NTRK2: variants seen among roughly 807,000 people sequenced by gnomAD.
NTRK2 encodes BDNF/NT-3 growth factors receptor.
In NTRK2, 13 loss-of-function variants were observed where a neutral mutation model predicts 94.5. The ratio of observed to expected loss-of-function variants is 0.14; its 90% CI spans 0.09 to 0.22. The LOEUF is 0.22. Ranked by LOEUF, NTRK2 falls within the 10% of genes least tolerant of loss-of-function variation. The pLI is 1.00. For missense variants in NTRK2, 639 were observed against 1,071.2 expected (o/e 0.60, Z 5.63); for synonymous variants, 372 against 407.4 (o/e 0.91, Z 1.05).
At chr9:84,944,044 T>G (rs1471269074) in intron 15 of NTRK2, among the ~76,000 whole-genome samples, 1 of 152,170 alleles carries the variant, frequency 6.6e-6, no homozygotes, top group Non-Finnish European at 1.5e-5. Flanking sequence ...TAGTGGAATC[T>G]CTTCTCTCAA....
At chr9:84,720,031 A>G (rs1293694795) in intron 6 of NTRK2, among the ~76,000 whole-genome samples, 1 of 151,730 alleles carries the variant, frequency 6.6e-6, no homozygotes, top group Non-Finnish European at 1.5e-5. Context: ...AAAAAAAAAA[A>G]AAAAAAAAGG....
intron 2 of NTRK2, among the ~76,000 whole-genome samples, chr9:84,679,536 A>G (rs1446334613): frequency 6.6e-6 from 1 of 152,086 alleles, no homozygotes; most frequent in Non-Finnish European, 1.5e-5. Flanking sequence ...AGGATTTTGG[A>G]TACCCACTCT....
At chr9:84,761,266 C>T (rs1462721310) in intron 12 of NTRK2, among the ~76,000 whole-genome samples, 4 of 151,912 alleles carry the variant, frequency 2.6e-5, no homozygotes, top group Admixed American at 6.6e-5. Flanking sequence ...CTGTCTTCAG[C>T]GACAGTGTAA....
At position 84,946,477 on chromosome 9, in the gene NTRK2, A is replaced by G. The variant is rs2078602906; in HGVS notation, c.1765-1985A>G. On this transcript the variant is annotated intron_variant, in intron 15 of 18. Coordinates refer to ENST00000277120, the MANE Select transcript of NTRK2 (RefSeq NM_006180.6). ...CCAGAGATAAGCAAGTAAACATGCAATTGGAATGTACTGTGGTCTGTGATG... is the reference window on the plus strand; with the variant it reads ...CCAGAGATAAGCAAGTAAACATGCAGTTGGAATGTACTGTGGTCTGTGATG... 2.6e-5 allele frequency among the ~76,000 whole-genome samples: 4 copies of G among 152,298 alleles called. 1 individual carries two copies. The highest frequency in any genetic ancestry group is 6.8e-3 in the Middle Eastern group (2 of 294).
chr9:84,967,424 T>A (rs763855511), intron 17 of NTRK2, among the ~76,000 whole-genome samples: 2 of 151,844 alleles, frequency 1.3e-5, no homozygotes, highest in Non-Finnish European at 2.9e-5. Context: ...TTGTGGAGAG[T>A]CAAACAGCTT....
intron 17 of NTRK2, among the ~76,000 whole-genome samples, chr9:84,995,727 T>C (rs1031040300): frequency 6.6e-6 from 1 of 152,186 alleles, no homozygotes; most frequent in Non-Finnish European, 1.5e-5. Flanking sequence ...ATGGAATATG[T>C]GTTGGTTGTG....
chr9:84,870,805 A>G (rs1449123792), intron 14 of NTRK2, among the ~76,000 whole-genome samples: 1 of 152,180 alleles, frequency 6.6e-6, no homozygotes, highest in East Asian at 1.9e-4. Context: ...CGCTATTCTT[A>G]TGGATCCAAC....
chr9:84,888,019 G>A (rs1044685624), intron 14 of NTRK2, among the ~76,000 whole-genome samples: 6 of 152,128 alleles, frequency 3.9e-5, no homozygotes, highest in Non-Finnish European at 7.3e-5. Context: ...GGTACACAAC[G>A]TCTGGATAAA....
At chr9:84,854,229 C>A (rs1348424028) in intron 12 of NTRK2, among the ~76,000 whole-genome samples, 5 of 152,104 alleles carry the variant, frequency 3.3e-5, no homozygotes, top group Non-Finnish European at 7.3e-5. Context: ...CTCTAAGGTT[C>A]ATTCTACTCC....
intron 14 of NTRK2, among the ~76,000 whole-genome samples, chr9:84,926,161 C>CTTGCTTT (rs2077782785): frequency 1.4e-4 from 9 of 63,780 alleles, no homozygotes; most frequent in African/African-American, 5.2e-4. Flanking sequence ...TTCCTTCCTT[C>CTTGCTTT]CTTCCTTCCT....
intron 17 of NTRK2, among the ~76,000 whole-genome samples, chr9:84,982,258 C>A (rs966845565): frequency 6.6e-6 from 1 of 152,172 alleles, no homozygotes; most frequent in African/African-American, 2.4e-5. Context: ...GTCAGGCTAT[C>A]TGGGCAGCTA....
At chr9:84,802,144 A>C (rs2070542706) in intron 12 of NTRK2, among the ~76,000 whole-genome samples, 2 of 152,200 alleles carry the variant, frequency 1.3e-5, no homozygotes, top group South Asian at 4.1e-4. Flanking sequence ...GGGTACATTA[A>C]ATTTTTATTT....
chr9:84,948,723 CT>C (rs1378269249), intron 16 of NTRK2, 89 bp downstream of exon 16: 10 of 1,167,444 alleles, frequency 8.6e-6, no homozygotes, highest in East Asian at 4.8e-5. Flanking sequence ...CAAGGGACCC[CT>C]GGACCTTTCT....
intron 14 of NTRK2, chr9:84,876,751 A>G: frequency 9.4e-7 from 1 of 1,061,266 alleles, no homozygotes; most frequent in Non-Finnish European, 1.1e-6. Context: ...CCTGATATCT[A>G]CAGAAACAAT....
At position 84,926,169 on chromosome 9, in the gene NTRK2, C is replaced by CCTTT. The variant is rs869183621; in HGVS notation, c.1634-7932_1634-7929dup. 8.4e-3 allele frequency among the ~76,000 whole-genome samples: 325 copies of CCTTT among 38,468 alleles called. 13 individuals are homozygous for CCTTT. The highest frequency in any genetic ancestry group is 0.018 in the East Asian group (21 of 1,158). The allele number at this position is 38,468 out of a possible 152,430, so 25.2% of individuals were successfully genotyped here. A position where few individuals can be genotyped will look rare whatever the true frequency, so the allele number is the denominator to read the frequency against. On this transcript the variant is annotated intron_variant, in intron 14 of 18. Coordinates refer to ENST00000277120, the MANE Select transcript of NTRK2 (RefSeq NM_006180.6). ...TCCTTCCTTCCTTCCTTCCTTCCTT[C>CCTTT]CTTTCTTTCTTTCTTTCTTTCTTTC... is the stretch of plus-strand genomic sequence containing the variant.
In NTRK2 at chr9:85,023,355, C is replaced by A. The variant is rs201843289; in HGVS notation, c.*1918C>A. 5 of 232,444 alleles carry A rather than the reference C, an allele frequency of 2.2e-5. No homozygotes were observed. The highest frequency in any genetic ancestry group is 4.2e-5 in the Non-Finnish European group (5 of 117,656). 14.4% of individuals were successfully genotyped at this position (232,444 alleles called of 1,614,324 possible). On this transcript the variant is annotated 3_prime_UTR_variant, in exon 19 of 19. Transcript: ENST00000277120. ...ATATTTGTTTCTGAAGGTGCGATAG[C>A]TCTGTTTTAGGTTTTGCTTGCGCCT... is the stretch of plus-strand genomic sequence containing the variant.
intron 15 of NTRK2, among the ~76,000 whole-genome samples, chr9:84,938,143 A>G (rs755018044): frequency 2.0e-5 from 3 of 152,218 alleles, no homozygotes; most frequent in Non-Finnish European, 4.4e-5. Context: ...AAGACTTGGC[A>G]AGATAAAAAA....
At chr9:84,917,665 A>C (rs1459273011) in intron 14 of NTRK2, among the ~76,000 whole-genome samples, 1 of 152,202 alleles carries the variant, frequency 6.6e-6, no homozygotes, top group Non-Finnish European at 1.5e-5. Flanking sequence ...CAGGCAGCCT[A>C]CTTTGTCCAA....
intron 12 of NTRK2, among the ~76,000 whole-genome samples, chr9:84,828,615 C>T (rs1351266159): frequency 6.6e-6 from 1 of 152,088 alleles, no homozygotes; most frequent in Non-Finnish European, 1.5e-5. Context: ...CCAAGTGTGT[C>T]TAACTAAATA....
Sources: gnomAD v4.1 joint callset for allele counts (sites outside exome capture counted in the v4.1 genomes callset) on GRCh38, gnomAD v4.1.1 for gene constraint, MANE v1.5 for transcripts, NCBI Gene and HGNC (gene_info 2026-07-23, HGNC 2026-07-21) for gene names.